HDAC9: variants seen among roughly 807,000 people sequenced by gnomAD.
The protein encoded by HDAC9 is MEF-2 interacting transcription repressor (MITR) protein.
HDAC9 carries 41 observed loss-of-function variants against 139.4 expected under a neutral mutation model. The ratio of observed to expected loss-of-function variants is 0.29; its 90% CI spans 0.23 to 0.38. The LOEUF is 0.38. Among genes scored for constraint, HDAC9 ranks in the 10% least tolerant of loss-of-function variants. HDAC9 has a pLI of 1.00. For missense variants in HDAC9, 1,147 were observed against 1,297.0 expected (o/e 0.88, Z 1.78); for synonymous variants, 517 against 476.2 (o/e 1.09, Z -1.12).
rs373252957 is a variant in HDAC9 at position 18,936,467 on chromosome 7, C to T, written c.2937+525C>T. Reference sequence around the variant, plus strand: ...TAAGATCCAAGACATGAACATGAATCTAAATGGCCAAAGACCATTATATTT... The same window carrying T: ...TAAGATCCAAGACATGAACATGAATTTAAATGGCCAAAGACCATTATATTT... On this transcript the variant is annotated intron_variant, in intron 23 of 25. Transcript: ENST00000686413. 1.1e-4 allele frequency among the ~76,000 whole-genome samples: 16 copies of T among 152,256 alleles called. No individual in the cohort carries two copies. The South Asian group carries it at 3.1e-3, about 30-fold the overall frequency.
chr7:18,290,592 C>G (rs1455538222), intron 1 of HDAC9: 1 of 454,894 alleles, frequency 2.2e-6, no homozygotes, highest in African/African-American at 2.0e-5. Flanking sequence ...TCTGACTCTG[C>G]AAATCGTCTT....
chr7:18,812,519 G>T (rs1241164651), intron 17 of HDAC9, among the ~76,000 whole-genome samples: 1 of 151,216 alleles, frequency 6.6e-6, no homozygotes, highest in Non-Finnish European at 1.5e-5. Context: ...TTTTATTTTT[G>T]TCTTTCCTTT....
chr7:18,704,739 C>G (rs1320151703), intron 12 of HDAC9, among the ~76,000 whole-genome samples: 2 of 152,152 alleles, frequency 1.3e-5, no homozygotes, highest in African/African-American at 2.4e-5. Context: ...AAGGTATTCT[C>G]TTGCATATAC....
chr7:18,723,605 G>A (rs1188301107), intron 12 of HDAC9, among the ~76,000 whole-genome samples: 1 of 152,100 alleles, frequency 6.6e-6, no homozygotes, highest in Non-Finnish European at 1.5e-5. Flanking sequence ...TTACTGAATT[G>A]TGAAATTTTA....
chr7:18,367,425 C>T (rs1784271148), intron 1 of HDAC9, among the ~76,000 whole-genome samples: 1 of 152,084 alleles, frequency 6.6e-6, no homozygotes, highest in Non-Finnish European at 1.5e-5. Context: ...TTGGTAAAGA[C>T]TCTGTAGAAA....
At chr7:18,748,349 T>G (rs964788961) in intron 13 of HDAC9, among the ~76,000 whole-genome samples, 1 of 152,176 alleles carries the variant, frequency 6.6e-6, no homozygotes, top group African/African-American at 2.4e-5. Context: ...GCATTGTAAT[T>G]TACATTTATT....
intron 1 of HDAC9, among the ~76,000 whole-genome samples, chr7:18,326,342 A>T (rs143852513): frequency 6.6e-6 from 1 of 152,098 alleles, no homozygotes; most frequent in Non-Finnish European, 1.5e-5. Context: ...ATGACAACAT[A>T]CTTAGGAATT....
chr7:18,431,067 G>C (rs999276282), intron 1 of HDAC9, among the ~76,000 whole-genome samples: 1 of 146,082 alleles, frequency 6.8e-6, no homozygotes, highest in Non-Finnish European at 1.5e-5. Flanking sequence ...GTCCTGTCCA[G>C]TCCAGTCCTG....
chr7:18,937,424 C>T (rs17140333), intron 23 of HDAC9, among the ~76,000 whole-genome samples: 16,337 of 152,130 alleles, frequency 0.11, 1,172 homozygotes, highest in East Asian at 0.32. Flanking sequence ...TTTCAGATCA[C>T]GCACAATTCA....
intron 11 of HDAC9, among the ~76,000 whole-genome samples, chr7:18,663,488 A>G (rs1793856670): frequency 6.6e-6 from 1 of 151,792 alleles, no homozygotes; most frequent in Non-Finnish European, 1.5e-5. Flanking sequence ...GGGACTTCCG[A>G]CATAGCATTT....
intron 2 of HDAC9, among the ~76,000 whole-genome samples, chr7:18,213,960 C>A (rs6962054): frequency 6.8e-4 from 103 of 152,060 alleles, no homozygotes; most frequent in African/African-American, 2.4e-3. Flanking sequence ...TTTCCTTCCC[C>A]AGTTTAAGAG....
intron 1 of HDAC9, among the ~76,000 whole-genome samples, chr7:18,479,590 T>G (rs2128126547): frequency 6.6e-6 from 1 of 152,306 alleles, no homozygotes; most frequent in South Asian, 2.1e-4. Context: ...TTTAAGTTCC[T>G]TCAAAATTAT....
intron 5 of HDAC9, 39 bp downstream of exon 5, chr7:18,591,681 A>G (rs1831032193): frequency 3.1e-6 from 5 of 1,606,874 alleles, no homozygotes; most frequent in Non-Finnish European, 4.3e-6. Flanking sequence ...CCTGGGGTAA[A>G]GAACACAGGT....
chr7:18,230,396 T>A (rs302155), intron 2 of HDAC9, among the ~76,000 whole-genome samples: 120,730 of 152,188 alleles, frequency 0.79, 48,019 homozygotes, highest in South Asian at 0.87. Context: ...CTAGCCCTTA[T>A]AGATGCCTTT....
At chr7:18,210,468 A>G (rs1791859190) in intron 2 of HDAC9, among the ~76,000 whole-genome samples, 2 of 152,204 alleles carry the variant, frequency 1.3e-5, no homozygotes, top group Non-Finnish European at 2.9e-5. Context: ...TATAACTCGC[A>G]TTTTACCTTT....
In HDAC9 at chr7:18,898,865, A is replaced by G. The variant is rs192041049; in HGVS notation, c.2803+24269A>G. Among the ~76,000 whole-genome samples, 620 of 152,084 alleles carry G rather than the reference A, an allele frequency of 4.1e-3. 3 individuals are homozygous for G. Among genetic ancestry groups the G allele is most frequent in the Middle Eastern group, 0.017 (5 of 294 alleles). On this transcript the variant is annotated intron_variant, in intron 22 of 25. Transcript: ENST00000686413. The stretch of plus-strand genomic sequence containing the variant: ...TCCAGAGGTCCAATATTTTGAGGAA[A>G]TGTTTTTAAATCACTTACACAATAT...
At chr7:18,216,383 C>G (rs927567720) in intron 2 of HDAC9, among the ~76,000 whole-genome samples, 1 of 151,932 alleles carries the variant, frequency 6.6e-6, no homozygotes, top group South Asian at 2.1e-4. Flanking sequence ...AATTTTAGTT[C>G]TTTTTCTATC....
intron 12 of HDAC9, among the ~76,000 whole-genome samples, chr7:18,726,719 T>G (rs1785579900): frequency 1.3e-5 from 2 of 150,556 alleles, no homozygotes; most frequent in Admixed American, 1.3e-4. Context: ...TCTTTATTAA[T>G]AAATAAAATT....
At chr7:18,724,196 C>T (rs1368524036) in intron 12 of HDAC9, among the ~76,000 whole-genome samples, 2 of 152,138 alleles carry the variant, frequency 1.3e-5, no homozygotes, top group Non-Finnish European at 2.9e-5. Flanking sequence ...TTTTTCATAT[C>T]ATCCCGAATT....
Sources: gnomAD v4.1 joint callset for allele counts (sites outside exome capture counted in the v4.1 genomes callset) on GRCh38, gnomAD v4.1.1 for gene constraint, MANE v1.5 for transcripts, NCBI Gene and HGNC (gene_info 2026-07-23, HGNC 2026-07-21) for gene names.